GPC6: variants seen among roughly 807,000 people sequenced by gnomAD.
GPC6 encodes the protein glypican-6.
A neutral mutation model predicts 55.2 loss-of-function variants in GPC6; 14 were observed. The ratio of observed to expected loss-of-function variants is 0.25; its 90% CI spans 0.17 to 0.40. The LOEUF (loss-of-function observed/expected upper bound fraction) is 0.40, where lower values mean the gene tolerates loss of function less well. Among genes scored for constraint, GPC6 ranks in the 10% least tolerant of loss-of-function variants. GPC6 has a pLI of 1.00. For synonymous variants in GPC6, 278 were observed against 259.6 expected (o/e 1.07, Z -0.68); for missense variants, 641 against 708.5 (o/e 0.90, Z 1.08).
intron 1 of GPC6, among the ~76,000 whole-genome samples, chr13:93,471,139 C>T (rs1879095567): frequency 1.3e-5 from 2 of 151,950 alleles, no homozygotes; most frequent in African/African-American, 4.8e-5. Flanking sequence ...TATTTTCTTG[C>T]TTCAACTTGC....
Position 93,653,958 on chromosome 13 carries a change from C to T in GPC6, c.319+108537C>T, listed in dbSNP as rs936039860. 5.3e-5 allele frequency among the ~76,000 whole-genome samples: 8 copies of T among 152,312 alleles called. No homozygotes were observed. The East Asian group carries it at 1.5e-3, about 29-fold the overall frequency. On this transcript the variant is annotated intron_variant, in intron 2 of 8. Transcript: ENST00000377047. Reference sequence around the variant, plus strand: ...CCTAGAGAAGCGGAAATCTGTTTTACTCTGTCACTCATTCCAATGTTTTAT... The same window carrying T: ...CCTAGAGAAGCGGAAATCTGTTTTATTCTGTCACTCATTCCAATGTTTTAT...
At chr13:93,612,544 A>ACACACACACACACACACACACAC (rs1555316453) in intron 2 of GPC6, among the ~76,000 whole-genome samples, 1 of 71,082 alleles carries the variant, frequency 1.4e-5, no homozygotes, top group African/African-American at 4.6e-5. Flanking sequence ...CACACACACA[A>ACACACACACACACACACACACAC]ACTTCATGTG....
chr13:94,295,272 T>C (rs879198083), intron 5 of GPC6, among the ~76,000 whole-genome samples: 5 of 152,160 alleles, frequency 3.3e-5, no homozygotes, highest in Admixed American at 2.6e-4. Flanking sequence ...AATGATATAA[T>C]CCATGTAAAA....
At chr13:94,072,223 C>A (rs935014616) in intron 4 of GPC6, among the ~76,000 whole-genome samples, 8 of 152,162 alleles carry the variant, frequency 5.3e-5, no homozygotes, top group African/African-American at 1.9e-4. Context: ...ATAACCTATG[C>A]ACAATTATCC....
intron 1 of GPC6, among the ~76,000 whole-genome samples, chr13:93,360,208 G>C (rs1247730298): frequency 6.6e-6 from 1 of 152,200 alleles, no homozygotes; most frequent in Non-Finnish European, 1.5e-5. Context: ...AAACCCCAGA[G>C]TGAAAACCAC....
At chr13:93,275,260 T>C (rs991134266) in intron 1 of GPC6, among the ~76,000 whole-genome samples, 2 of 152,184 alleles carry the variant, frequency 1.3e-5, no homozygotes, top group African/African-American at 2.4e-5. Flanking sequence ...AAGATCTTAA[T>C]TGGGTACATG....
chr13:94,076,877 G>A (rs1299763851), intron 4 of GPC6, among the ~76,000 whole-genome samples: 2 of 149,784 alleles, frequency 1.3e-5, no homozygotes, highest in Non-Finnish European at 3.0e-5. Context: ...TTGAATTACT[G>A]TAGCTTTCTA....
intron 2 of GPC6, among the ~76,000 whole-genome samples, chr13:93,711,380 A>G (rs1414402549): frequency 6.6e-6 from 1 of 151,718 alleles, no homozygotes; most frequent in East Asian, 2.0e-4. Context: ...TCATGAGAAC[A>G]GCACAGCAAG....
intron 1 of GPC6, among the ~76,000 whole-genome samples, chr13:93,448,151 C>A (rs1018676008): frequency 6.6e-6 from 1 of 152,114 alleles, no homozygotes; most frequent in Non-Finnish European, 1.5e-5. Context: ...TTGATAATTA[C>A]AGACATGTGC....
chr13:93,666,605 A>G (rs1280957177), intron 2 of GPC6, among the ~76,000 whole-genome samples: 2 of 152,250 alleles, frequency 1.3e-5, no homozygotes, highest in African/African-American at 2.4e-5. Flanking sequence ...GGATGATTTC[A>G]TGATGATTTC....
At chr13:94,047,108 G>A (rs769595199) in intron 4 of GPC6, among the ~76,000 whole-genome samples, 13 of 152,046 alleles carry the variant, frequency 8.6e-5, no homozygotes, top group Non-Finnish European at 1.5e-4. Context: ...CTCTACTTCA[G>A]TGTACCAAAC....
chr13:93,972,041 C>T (rs994245673), intron 3 of GPC6, among the ~76,000 whole-genome samples: 2 of 152,164 alleles, frequency 1.3e-5, no homozygotes, highest in African/African-American at 4.8e-5. Flanking sequence ...CTGACAAAAT[C>T]AGACAGGATG....
At chr13:93,977,973 C>A (rs923153446) in intron 3 of GPC6, among the ~76,000 whole-genome samples, 3 of 152,134 alleles carry the variant, frequency 2.0e-5, no homozygotes, top group Non-Finnish European at 4.4e-5. Flanking sequence ...GAAGAGAAAT[C>A]GCCATAGAGT....
chr13:93,276,495 A>AGAGAGAGAGTGT (rs1365006783), intron 1 of GPC6, among the ~76,000 whole-genome samples: 232 of 94,412 alleles, frequency 2.5e-3, no homozygotes, highest in African/African-American at 9.9e-3. Context: ...AGAGAGAGAG[A>AGAGAGAGAGTGT]GTGTGTGTGT....
intron 2 of GPC6, among the ~76,000 whole-genome samples, chr13:93,626,939 G>T (rs1014434155): frequency 6.6e-5 from 10 of 152,112 alleles, no homozygotes; most frequent in African/African-American, 2.2e-4. Flanking sequence ...GAAGGCAAAG[G>T]GGGAAGCGGG....
rs1008032891 is a variant in GPC6 at position 93,595,497 on chromosome 13, T to C, written c.319+50076T>C. 2.6e-5 allele frequency among the ~76,000 whole-genome samples: 4 copies of C among 152,348 alleles called. No homozygotes were observed. The South Asian group carries it at 6.2e-4, about 24-fold the overall frequency. On this transcript the variant is annotated intron_variant, in intron 2 of 8. Transcript: ENST00000377047. ...CAACCTAGGCTGTTATTTGGTATAC[T>C]ATATATTTTTGAATTTCAGTGAACT...
chr13:94,295,008 G>C (rs373907075), intron 5 of GPC6, among the ~76,000 whole-genome samples: 1 of 152,080 alleles, frequency 6.6e-6, no homozygotes, highest in Admixed American at 6.5e-5. Context: ...GTTGAATTCA[G>C]AACATGAAAA....
At chr13:93,789,579 C>CTATATATATATAATACTACATATATATA (rs1555331658) in intron 2 of GPC6, among the ~76,000 whole-genome samples, 93 of 58,992 alleles carry the variant, frequency 1.6e-3, no homozygotes, top group Non-Finnish European at 2.7e-3. Flanking sequence ...TATATAAATA[C>CTATATATATATAATACTACATATATATA]TATATATATA....
At chr13:93,370,135 A>C (rs1349028270) in intron 1 of GPC6, among the ~76,000 whole-genome samples, 1 of 152,064 alleles carries the variant, frequency 6.6e-6, no homozygotes, top group Non-Finnish European at 1.5e-5. Flanking sequence ...ATTATTCCAG[A>C]CAGTTGTCAT....
Sources: gnomAD v4.1 joint callset for allele counts (sites outside exome capture counted in the v4.1 genomes callset) on GRCh38, gnomAD v4.1.1 for gene constraint, MANE v1.5 for transcripts, NCBI Gene and HGNC (gene_info 2026-07-23, HGNC 2026-07-21) for gene names.